RUFY4: variants seen among roughly 807,000 people sequenced by gnomAD.
The protein encoded by RUFY4 is RUN and FYVE domain-containing protein 4.
In RUFY4, 73 loss-of-function variants were observed where a neutral mutation model predicts 69.0. The ratio of observed to expected loss-of-function variants is 1.06; its 90% CI spans 0.88 to 1.29. The LOEUF (loss-of-function observed/expected upper bound fraction) is 1.29. Ranked by LOEUF, RUFY4 falls within the 50% of genes most tolerant of loss-of-function variation. The pLI is 0.00. For missense variants in RUFY4, 770 were observed against 705.6 expected (o/e 1.09, Z -1.03); for synonymous variants, 287 against 271.8 (o/e 1.06, Z -0.55).
chr2:218,059,924 AT>A (rs1689143620), intron 3 of RUFY4: 1 of 171,024 alleles, frequency 5.8e-6, no homozygotes, highest in African/African-American at 2.4e-5. Flanking sequence ...TGGCCACAAC[AT>A]TTTACATTCC....
At chr2:218,046,469 C>T (rs1420092927) in intron 2 of RUFY4, among the ~76,000 whole-genome samples, 1 of 152,080 alleles carries the variant, frequency 6.6e-6, no homozygotes, top group Non-Finnish European at 1.5e-5. Flanking sequence ...ACTTTCGGTT[C>T]CTGTCTTATT....
chr2:218,062,782 C>T (rs1026167616), intron 3 of RUFY4, among the ~76,000 whole-genome samples: 3 of 152,188 alleles, frequency 2.0e-5, no homozygotes, highest in African/African-American at 7.2e-5. Context: ...CCCTGATTCT[C>T]CCCATGGGTA....
chr2:218,089,424 C>T, intron 10 of RUFY4, 62 bp downstream of exon 12: 1 of 1,405,398 alleles, frequency 7.1e-7, no homozygotes, highest in Non-Finnish European at 9.9e-7. Flanking sequence ...GCTGACAGCC[C>T]CCACCCACCC....
intron 8 of RUFY4, among the ~76,000 whole-genome samples, chr2:218,078,386 C>T (rs1689683723): frequency 6.6e-6 from 1 of 152,148 alleles, no homozygotes; most frequent in Non-Finnish European, 1.5e-5. Flanking sequence ...GCGAGAACAG[C>T]AAAAACAAAG....
chr2:218,049,718 G>A (rs1327437398), intron 2 of RUFY4, among the ~76,000 whole-genome samples: 2 of 152,068 alleles, frequency 1.3e-5, no homozygotes, highest in East Asian at 1.9e-4. Context: ...CTGTTGGTCA[G>A]GCTGGTCTTG....
At chr2:218,089,259 G>A in exon 10 of RUFY4, 3 of 1,613,404 alleles carry the variant, frequency 1.9e-6, no homozygotes, top group Non-Finnish European at 2.5e-6. Flanking sequence ...CAGAGAGAAG[G>A]ACCGCCTGTG....
chr2:218,066,195 T>C (rs1689324908), upstream of RUFY4, among the ~76,000 whole-genome samples: 1 of 147,630 alleles, frequency 6.8e-6, no homozygotes, highest in South Asian at 2.2e-4. Context: ...TTTTTTTTTT[T>C]TTTTTGAGAA....
At chr2:218,049,540 C>CT (rs1048921058) in intron 2 of RUFY4, among the ~76,000 whole-genome samples, 7 of 149,388 alleles carry the variant, frequency 4.7e-5, no homozygotes, top group African/African-American at 1.7e-4. Flanking sequence ...GAGTTTCACT[C>CT]TTGTTGCCCA....
At chr2:218,044,254 C>A (rs1225570189) in intron 2 of RUFY4, among the ~76,000 whole-genome samples, 4 of 152,214 alleles carry the variant, frequency 2.6e-5, no homozygotes, top group Non-Finnish European at 4.4e-5. Flanking sequence ...AGTGTTTTGG[C>A]AGTGGCCAGA....
At chr2:218,080,323 T>C (rs1689732806) in intron 8 of RUFY4, among the ~76,000 whole-genome samples, 1 of 152,146 alleles carries the variant, frequency 6.6e-6, no homozygotes, top group South Asian at 2.1e-4. Flanking sequence ...AGAAGTCCCG[T>C]GCAGAGCACA....
At chr2:218,079,536 G>A (rs888931995) in intron 8 of RUFY4, among the ~76,000 whole-genome samples, 4 of 152,094 alleles carry the variant, frequency 2.6e-5, no homozygotes, top group East Asian at 1.9e-4. Context: ...CATGTCAGAC[G>A]GGAGCCGCTG....
intron 10 of RUFY4, 125 bp downstream of exon 12, chr2:218,089,487 T>A: frequency 1.4e-6 from 1 of 714,376 alleles, no homozygotes; most frequent in Non-Finnish European, 2.4e-6. Context: ...CACTTACAGC[T>A]GACTACTCAT....
chr2:218,063,825 G>A (rs771894271), intron 3 of RUFY4, among the ~76,000 whole-genome samples: 60 of 152,110 alleles, frequency 3.9e-4, no homozygotes, highest in Non-Finnish European at 6.5e-4. Flanking sequence ...CACCTTACAC[G>A]TCAGCCCATA....
exon 11 of RUFY4, chr2:218,090,103 C>G: frequency 9.1e-7 from 1 of 1,102,340 alleles, no homozygotes; most frequent in Non-Finnish European, 1.3e-6. Flanking sequence ...CCTGCCCATC[C>G]CACTCAATCC....
At chr2:218,050,524 G>A (rs1051601770) in intron 2 of RUFY4, among the ~76,000 whole-genome samples, 1 of 152,174 alleles carries the variant, frequency 6.6e-6, no homozygotes, top group Non-Finnish European at 1.5e-5. Context: ...CCTCCCTCCA[G>A]CTCACAGAAC....
chr2:218,079,718 G>A (rs1037836254), intron 8 of RUFY4, among the ~76,000 whole-genome samples: 1 of 152,068 alleles, frequency 6.6e-6, no homozygotes, highest in African/African-American at 2.4e-5. Context: ...CCCGGGAAAG[G>A]AGCCCGTGGG....
intron 3 of RUFY4, 40 bp downstream of exon 5, chr2:218,072,539 G>A (rs955956122): frequency 1.3e-6 from 2 of 1,533,040 alleles, no homozygotes; most frequent in Middle Eastern, 4.4e-4. Context: ...ACGGGGTGGG[G>A]GTAGACATAG....
chr2:218,076,214 A>T (rs1397207489), intron 7 of RUFY4, among the ~76,000 whole-genome samples: 1 of 152,188 alleles, frequency 6.6e-6, no homozygotes, highest in Middle Eastern at 3.2e-3. Flanking sequence ...CTGAGTTTAC[A>T]ACTTCCACCC....
intron 6 of RUFY4, 65 bp from the exon 9 acceptor site, chr2:218,075,028 T>A (rs1689588910): frequency 6.9e-7 from 1 of 1,443,952 alleles, no homozygotes; most frequent in Non-Finnish European, 9.2e-7. Context: ...TGTGGCCTAA[T>A]CTAATGGCAC....
Sources: allele counts gnomAD v4.1 joint callset (sites outside exome capture counted in the v4.1 genomes callset), GRCh38; gene constraint gnomAD v4.1.1; transcripts MANE v1.5; gene names NCBI Gene and HGNC (gene_info 2026-07-23, HGNC 2026-07-21).